Variants in NXPE2 observed in about 807,000 individuals in gnomAD.
NXPE2 encodes the protein neurexophilin and PC-esterase domain family member 2.
In NXPE2, 34 loss-of-function variants were observed where a neutral mutation model predicts 34.4. The observed-to-expected ratio is 0.99, with a 90% CI of 0.75 to 1.31. NXPE2 has a LOEUF of 1.31. Among genes scored for constraint, NXPE2 ranks in the 40% most tolerant of loss-of-function variants. The pLI is 0.00. For synonymous variants in NXPE2, 235 were observed against 231.3 expected, an observed-to-expected ratio of 1.02 and a Z score of -0.15; for missense variants, 649 against 672.5, an observed-to-expected ratio of 0.97 and a Z score of 0.39.
the NXPE2 span, among the ~76,000 whole-genome samples, chr11:114,554,920 T>G: frequency 6.6e-6 from 1 of 152,204 alleles, no homozygotes; most frequent in Non-Finnish European, 1.5e-5. Flanking sequence ...TGGCAGGGGA[T>G]AGCAGAGCTT....
chr11:114,571,114 A>G, the NXPE2 span: 1 of 1,613,974 alleles, frequency 6.2e-7, no homozygotes, highest in African/African-American at 1.3e-5. Flanking sequence ...AAGTCACTAA[A>G]TCTTTCTGCA....
the NXPE2 span, among the ~76,000 whole-genome samples, chr11:114,483,250 G>A: frequency 2.0e-4 from 30 of 152,244 alleles, no homozygotes; most frequent in African/African-American, 7.0e-4. Flanking sequence ...TCTGCCACTC[G>A]CTGGTTGGGC....
chr11:114,706,951 A>G lies in NXPE2; in HGVS notation c.*21A>G. ...GTTAGAGGAAAAATACAAAAATAGC[A>G]CTAGCCACTTTCTATAGATGATCTC... On this transcript the variant is annotated 3_prime_UTR_variant, in exon 6 of 6. Coordinates refer to ENST00000389586, the MANE Select transcript of NXPE2 (RefSeq NM_182495.6). The G allele has an allele frequency of 1.3e-6, 2 of 1,515,420 alleles. No homozygotes were observed. The highest frequency in any genetic ancestry group is 1.3e-5 in the South Asian group (1 of 79,454). 93.9% of individuals were successfully genotyped at this position (1,515,420 alleles called of 1,614,324 possible).
chr11:114,671,725 A>G, the NXPE2 span, among the ~76,000 whole-genome samples: 1 of 152,068 alleles, frequency 6.6e-6, no homozygotes, highest in Non-Finnish European at 1.5e-5. Context: ...GAGGAAAAAG[A>G]GAAATTCTCA....
chr11:114,681,105 T>C (rs1338399615), intron 2 of NXPE2, among the ~76,000 whole-genome samples: 1 of 152,216 alleles, frequency 6.6e-6, no homozygotes. Context: ...ACCTCCAAAA[T>C]GTCTCTCAAG....
the NXPE2 span, among the ~76,000 whole-genome samples, chr11:114,476,370 T>C: frequency 6.6e-6 from 1 of 152,246 alleles, no homozygotes; most frequent in South Asian, 2.1e-4. Flanking sequence ...TTTCTTCTTC[T>C]TTCTACCTTT....
chr11:114,657,439 C>T, the NXPE2 span, among the ~76,000 whole-genome samples: 1 of 151,972 alleles, frequency 6.6e-6, no homozygotes, highest in Non-Finnish European at 1.5e-5. Context: ...TAGTGATATC[C>T]AAGATTTTTA....
chr11:114,637,449 T>C, the NXPE2 span, among the ~76,000 whole-genome samples: 7 of 151,954 alleles, frequency 4.6e-5, no homozygotes, highest in African/African-American at 1.4e-4. Context: ...AATTGGAGCA[T>C]TTAGTCCATT....
chr11:114,606,654 C>T, the NXPE2 span, among the ~76,000 whole-genome samples: 89 of 151,940 alleles, frequency 5.9e-4, no homozygotes, highest in African/African-American at 2.1e-3. Context: ...CAGTGTTACT[C>T]GGTGGATAGT....
At chr11:114,565,091 A>G in the NXPE2 span, among the ~76,000 whole-genome samples, 1 of 152,224 alleles carries the variant, frequency 6.6e-6, no homozygotes, top group Non-Finnish European at 1.5e-5. Context: ...AACAGATGTC[A>G]GGATTCTCCT....
chr11:114,765,244 A>G, the NXPE2 span, among the ~76,000 whole-genome samples: 2 of 131,666 alleles, frequency 1.5e-5, no homozygotes, highest in African/African-American at 5.2e-5. Context: ...TTTCCAACAA[A>G]TACAGACATA....
At chr11:114,582,628 G>A in the NXPE2 span, 10 of 1,614,030 alleles carry the variant, frequency 6.2e-6, no homozygotes, top group Non-Finnish European at 7.6e-6. Context: ...AAGCTGACCA[G>A]GTAGGTGCCG....
chr11:114,670,017 C>G, the NXPE2 span, among the ~76,000 whole-genome samples: 1 of 152,020 alleles, frequency 6.6e-6, no homozygotes, highest in Non-Finnish European at 1.5e-5. Flanking sequence ...ACTAATTTAC[C>G]AGAGGAAACT....
chr11:114,706,383 G>A lies in NXPE2; in HGVS notation c.1145-12G>A. The A allele has an allele frequency of 1.3e-6, 2 of 1,505,676 alleles. No individual in the cohort carries two copies. The highest frequency in any genetic ancestry group is 1.8e-6 in the Non-Finnish European group (2 of 1,127,324). 93.3% of individuals were successfully genotyped at this position (1,505,676 alleles called of 1,614,324 possible). A position where few individuals can be genotyped will look rare whatever the true frequency, so the allele number is the denominator to read the frequency against. The stretch of plus-strand genomic sequence containing the variant: ...CTTTTGTTAAAATATTTATTGATTT[G>A]TCTTTCATCAGCCCTAAAATATTTT... On this transcript the variant is annotated splice_polypyrimidine_tract_variant and intron_variant, in intron 5 of 5. Coordinates refer to ENST00000389586, the MANE Select transcript of NXPE2 (RefSeq NM_182495.6).
At chr11:114,633,508 A>G in the NXPE2 span, among the ~76,000 whole-genome samples, 1 of 150,796 alleles carries the variant, frequency 6.6e-6, no homozygotes, top group African/African-American at 2.4e-5. Context: ...ACATGTGCAC[A>G]ATGTGCAGGT....
chr11:114,746,085 A>G, the NXPE2 span, among the ~76,000 whole-genome samples: 1 of 152,154 alleles, frequency 6.6e-6, no homozygotes, highest in Non-Finnish European at 1.5e-5. Context: ...GGTTATTTTT[A>G]GCTTTGGCTT....
the NXPE2 span, among the ~76,000 whole-genome samples, chr11:114,531,729 T>C: frequency 6.6e-6 from 1 of 152,186 alleles, no homozygotes; most frequent in African/African-American, 2.4e-5. Context: ...TTACTAATAC[T>C]TTCTCCTCTT....
the NXPE2 span, among the ~76,000 whole-genome samples, chr11:114,777,847 T>C: frequency 6.6e-6 from 1 of 152,192 alleles, no homozygotes; most frequent in Non-Finnish European, 1.5e-5. Flanking sequence ...GTGCACCTCA[T>C]TGGCTTGCTA....
At chr11:114,617,634 A>G in the NXPE2 span, among the ~76,000 whole-genome samples, 3 of 149,608 alleles carry the variant, frequency 2.0e-5, no homozygotes, top group Admixed American at 6.6e-5. Context: ...ACTGTTACCC[A>G]ATGGATAATA....
Sources: gnomAD v4.1 joint callset for allele counts (sites outside exome capture counted in the v4.1 genomes callset) on GRCh38, gnomAD v4.1.1 for gene constraint, MANE v1.5 for transcripts, NCBI Gene and HGNC (gene_info 2026-07-23, HGNC 2026-07-21) for gene names.